Variants in MCF2L observed in about 807,000 individuals in gnomAD.
MCF2L encodes the protein MCF.2 cell line derived transforming sequence like.
MCF2L carries 97 observed loss-of-function variants against 153.4 expected under a neutral mutation model. The ratio of observed to expected loss-of-function variants is 0.63; its 90% CI spans 0.54 to 0.75. MCF2L has a LOEUF of 0.75. Ranked by LOEUF, MCF2L falls within the 30% of genes least tolerant of loss-of-function variation. The probability of loss-of-function intolerance (pLI) is 0.00; values close to 1 mark genes in which losing one functional copy is unlikely to be tolerated. For synonymous variants in MCF2L, 659 were observed against 632.2 expected, an observed-to-expected ratio of 1.04 and a Z score of -0.64; for missense variants, 1,347 against 1,495.2, an observed-to-expected ratio of 0.90 and a Z score of 1.64.
chr13:112,917,432 A>G (rs2081305602), intron 2 of MCF2L: 1 of 333,860 alleles, frequency 3.0e-6, no homozygotes. Context: ...CAGCCAGGCT[A>G]CCGCCCTGTC....
rs1455812953 is a variant in MCF2L at position 113,087,176 on chromosome 13, C to A, written c.2374-59C>A. The stretch of plus-strand genomic sequence containing the variant: ...GAGTGGCTGCTTTCACTCAGCGATG[C>A]GCGTCCATGGCCCCAGGCCCATCCC... On this transcript the variant is annotated intron_variant, in intron 21 of 29. Transcript: ENST00000535094. The A allele has an allele frequency of 3.5e-6, 5 of 1,433,976 alleles. No homozygotes were observed. In the Admixed American group the frequency reaches 9.3e-5, roughly 27 times the overall value. The allele number at this position is 1,433,976 out of a possible 1,614,324, so 88.8% of individuals were successfully genotyped here.
intron 21 of MCF2L, 149 bp downstream of exon 21, chr13:113,086,398 A>C: frequency 4.7e-6 from 5 of 1,059,746 alleles, no homozygotes; most frequent in South Asian, 3.6e-5. Context: ...AGATAAGCCC[A>C]CTCCCAGGCC....
At chr13:112,979,572 G>A (rs2082328858) in intron 1 of MCF2L, 1 of 1,579,820 alleles carries the variant, frequency 6.3e-7, no homozygotes, top group Admixed American at 1.8e-5. Flanking sequence ...GAGACCCGAA[G>A]GCTGTGGCTC....
chr13:113,064,532 C>A lies in MCF2L; in HGVS notation c.606+112C>A. On this transcript the variant is annotated intron_variant, in intron 6 of 29. Coordinates refer to ENST00000535094, the MANE Select transcript of MCF2L (RefSeq NM_001112732.3). This position sits in a 1 kb window ranked among gnomAD's most constrained non-coding sequence, Gnocchi z 6.0. ...CCAAAAACACATTCACATTAACAGT[C>A]GTTTTCTTTCCCAAGAATGAGGAGA... 1 of 696,020 alleles carries A rather than the reference C, an allele frequency of 1.4e-6. No homozygotes were observed. The highest frequency in any genetic ancestry group is 1.6e-5 in the South Asian group (1 of 62,618). 43.1% of individuals were successfully genotyped at this position (696,020 alleles called of 1,614,324 possible).
chr13:113,007,036 G>A (rs577627782), intron 1 of MCF2L, among the ~76,000 whole-genome samples: 8 of 152,264 alleles, frequency 5.3e-5, no homozygotes, highest in African/African-American at 1.9e-4. Flanking sequence ...CTGAAACCCG[G>A]CCTCCTGTGT....
At chr13:112,900,092 G>T (rs1218364997) in intron 1 of MCF2L, among the ~76,000 whole-genome samples, 1 of 152,192 alleles carries the variant, frequency 6.6e-6, no homozygotes, top group South Asian at 2.1e-4. Context: ...GGAGGTTTCA[G>T]ATCACGATCA....
At chr13:113,082,873 C>G (rs2034284063) in intron 17 of MCF2L, among the ~76,000 whole-genome samples, 1 of 152,322 alleles carries the variant, frequency 6.6e-6, no homozygotes, top group South Asian at 2.1e-4. Context: ...CCTCATCCTG[C>G]TGGGCAGGTG....
intron 2 of MCF2L, among the ~76,000 whole-genome samples, chr13:112,946,517 A>T (rs1474866579): frequency 6.6e-6 from 1 of 152,216 alleles, no homozygotes; most frequent in African/African-American, 2.4e-5. Flanking sequence ...GAGGGCTCAG[A>T]GGGACTTAGA....
intron 1 of MCF2L, among the ~76,000 whole-genome samples, chr13:113,002,770 C>T (rs1198819681): frequency 1.3e-5 from 2 of 152,178 alleles, no homozygotes; most frequent in Admixed American, 6.5e-5. Flanking sequence ...GTACTTATGC[C>T]AAGTATTGAT....
chr13:113,012,515 T>C (rs1475779606), intron 1 of MCF2L, among the ~76,000 whole-genome samples: 2 of 73,846 alleles, frequency 2.7e-5, no homozygotes, highest in African/African-American at 1.0e-4. Context: ...GGGTGGATGG[T>C]GGACACTGCA....
chr13:113,031,022 G>T lies in MCF2L; in HGVS notation c.278+6264G>T, dbSNP rs755690788. Among the ~76,000 whole-genome samples the T allele has an allele frequency of 6.6e-6, 1 of 151,902 alleles. No individual in the cohort carries two copies. Among genetic ancestry groups the T allele is most frequent in the Admixed American group, 6.6e-5 (1 of 15,252 alleles). ...GGCTGTGGGAAAACAATGTGAGAAA[G>T]AAAGAGAGACAGAGAGACAGAGACA... On this transcript the variant is annotated intron_variant, in intron 3 of 29. Transcript: ENST00000535094. This position sits in a 1 kb window ranked among gnomAD's most constrained non-coding sequence, Gnocchi z 5.5.
At chr13:113,095,907 C>T in intron 27 of MCF2L, 1 of 620,042 alleles carries the variant, frequency 1.6e-6, no homozygotes, top group Admixed American at 5.1e-5. Flanking sequence ...CAGACAGGAA[C>T]CTCCACTCTT....
intron 15 of MCF2L, among the ~76,000 whole-genome samples, chr13:113,079,273 GA>G (rs1291397071): frequency 6.6e-6 from 1 of 152,178 alleles, no homozygotes. Flanking sequence ...CTTTAAGAAA[GA>G]AAGACCTCAC....
In MCF2L at chr13:113,045,778, G is replaced by T; in HGVS notation, c.369+417G>T. The T allele has an allele frequency of 4.2e-6, 1 of 238,218 alleles. No individual in the cohort carries two copies. Among genetic ancestry groups the T allele is most frequent in the South Asian group, 6.8e-5 (1 of 14,616 alleles). 14.8% of individuals were successfully genotyped at this position (238,218 alleles called of 1,614,324 possible). A position where few individuals can be genotyped will look rare whatever the true frequency, so the allele number is the denominator to read the frequency against. On this transcript the variant is annotated intron_variant, in intron 4 of 29. Transcript: ENST00000535094. This position sits in a 1 kb window ranked among gnomAD's most constrained non-coding sequence, Gnocchi z 4.2. ...ACCGCCTCCCTTCCCCAGTGGGATTGAACATGCACTTCCTCTTACACAAAG... is the reference window on the plus strand; with the variant it reads ...ACCGCCTCCCTTCCCCAGTGGGATTTAACATGCACTTCCTCTTACACAAAG...
intron 2 of MCF2L, among the ~76,000 whole-genome samples, chr13:112,948,743 A>G (rs1029191354): frequency 5.3e-5 from 8 of 152,206 alleles, no homozygotes; most frequent in African/African-American, 1.7e-4. Context: ...AAGCAGAAGG[A>G]AGGAAATAAC....
Position 113,094,458 on chromosome 13 carries a change from G to C in MCF2L, c.2954-56G>C. 2.6e-6 allele frequency: 4 copies of C among 1,560,154 alleles called. No homozygotes were observed. In the South Asian group the frequency reaches 4.9e-5, roughly 19 times the overall value. On this transcript the variant is annotated intron_variant, in intron 26 of 29. Transcript: ENST00000535094. ...GACTTAGCTGACCCCACCTCAGACAGATGCAGACAGCGGCTCATCACCGGG... is the reference window on the plus strand; with the variant it reads ...GACTTAGCTGACCCCACCTCAGACACATGCAGACAGCGGCTCATCACCGGG...
At chr13:112,913,956 A>G (rs2081262679) in intron 2 of MCF2L, among the ~76,000 whole-genome samples, 1 of 152,100 alleles carries the variant, frequency 6.6e-6, no homozygotes, top group Admixed American at 6.6e-5. Flanking sequence ...TCAGCCCCCC[A>G]ATGCCTGCAC....
intron 4 of MCF2L, among the ~76,000 whole-genome samples, chr13:113,049,965 C>T (rs1030681181): frequency 1.3e-5 from 2 of 152,144 alleles, no homozygotes; most frequent in South Asian, 2.1e-4. Flanking sequence ...AGAGCAAGAC[C>T]CATGTGATGC....
At chr13:113,087,995 G>T (rs1242560023) in intron 23 of MCF2L, among the ~76,000 whole-genome samples, 196 bp downstream of exon 23, 1 of 152,222 alleles carries the variant, frequency 6.6e-6, no homozygotes, top group African/African-American at 2.4e-5. Flanking sequence ...CATCAGACGG[G>T]GTGCTGCGAG....
Sources: allele counts gnomAD v4.1 joint callset (sites outside exome capture counted in the v4.1 genomes callset), GRCh38; gene constraint gnomAD v4.1.1; non-coding constraint Gnocchi (gnomAD v3.1); transcripts MANE v1.5; gene names NCBI Gene and HGNC (gene_info 2026-07-23, HGNC 2026-07-21).